NELL1: variants seen among roughly 807,000 people sequenced by gnomAD.
NELL1 encodes neural EGFL like 1, also known as protein kinase C-binding protein NELL1.
A neutral mutation model predicts 107.4 loss-of-function variants in NELL1; 76 were observed. That is an observed-to-expected ratio of 0.71 (90% confidence interval 0.59 to 0.86). The LOEUF is 0.86. NELL1 is among the 40% of genes least tolerant of loss of function. The probability of loss-of-function intolerance (pLI) is 0.00; values close to 1 mark genes in which losing one functional copy is unlikely to be tolerated. For missense variants in NELL1, 1,024 were observed against 1,005.5 expected, an observed-to-expected ratio of 1.02 and a Z score of -0.25; for synonymous variants, 353 against 341.2, an observed-to-expected ratio of 1.03 and a Z score of -0.38.
intron 12 of NELL1, among the ~76,000 whole-genome samples, chr11:21,089,832 CAAA>C (rs1256844867): frequency 6.6e-6 from 1 of 152,128 alleles, no homozygotes; most frequent in Non-Finnish European, 1.5e-5. Context: ...GGGGATATTT[CAAA>C]AGAGGAAGGA....
At chr11:20,841,319 GT>G (rs397772940) in intron 3 of NELL1, among the ~76,000 whole-genome samples, 334 of 123,478 alleles carry the variant, frequency 2.7e-3, no homozygotes, top group African/African-American at 4.9e-3. Context: ...CTCTGCTCAT[GT>G]TTTTTTTTTT....
chr11:20,683,054 C>T (rs1032001074), intron 2 of NELL1, among the ~76,000 whole-genome samples: 1 of 151,960 alleles, frequency 6.6e-6, no homozygotes, highest in African/African-American at 2.4e-5. Flanking sequence ...TTAAATCTAT[C>T]TTCTCGTGAT....
chr11:21,540,619 C>G (rs1856268578), intron 16 of NELL1, among the ~76,000 whole-genome samples: 1 of 151,964 alleles, frequency 6.6e-6, no homozygotes, highest in African/African-American at 2.4e-5. Flanking sequence ...AAAGGGGAAC[C>G]AGACATGTCC....
At chr11:21,309,292 A>ATATATGTATATATATAT (rs1849691585) in intron 14 of NELL1, among the ~76,000 whole-genome samples, 1 of 82,080 alleles carries the variant, frequency 1.2e-5, no homozygotes, top group Non-Finnish European at 3.1e-5. Flanking sequence ...ATATATATAT[A>ATATATGTATATATATAT]TATATATGTA....
chr11:20,908,712 T>C (rs183186395), intron 5 of NELL1, among the ~76,000 whole-genome samples: 4 of 152,248 alleles, frequency 2.6e-5, no homozygotes, highest in Middle Eastern at 6.8e-3. Flanking sequence ...AAAAATAAAA[T>C]TTTGATTAAA....
In NELL1 at chr11:20,693,369, T is replaced by G. The variant is rs560324296; in HGVS notation, c.184+15309T>G. Among the ~76,000 whole-genome samples the G allele has an allele frequency of 2.4e-3, 367 of 152,292 alleles. 2 individuals carry two copies. Among genetic ancestry groups the G allele is most frequent in the African/African-American group, 8.3e-3 (346 of 41,564 alleles). On this transcript the variant is annotated intron_variant, in intron 2 of 19. Coordinates refer to ENST00000357134, the MANE Select transcript of NELL1 (RefSeq NM_006157.5). Reference sequence around the variant, plus strand: ...TATTTTGCTTGTTAGTTGATGCAGTTTCTTCCTAGTCTCGATGGTCTTTAC... The same window carrying G: ...TATTTTGCTTGTTAGTTGATGCAGTGTCTTCCTAGTCTCGATGGTCTTTAC...
chr11:21,222,502 T>C (rs1472133748), intron 13 of NELL1, among the ~76,000 whole-genome samples: 1 of 152,066 alleles, frequency 6.6e-6, no homozygotes, highest in Non-Finnish European at 1.5e-5. Context: ...GGCTGATCTT[T>C]TGTATTGTTT....
intron 9 of NELL1, among the ~76,000 whole-genome samples, chr11:20,935,113 G>A (rs1850696100): frequency 6.6e-6 from 1 of 152,134 alleles, no homozygotes; most frequent in Non-Finnish European, 1.5e-5. Flanking sequence ...ATGGGGCTTT[G>A]GGCTGGAGAT....
At chr11:21,347,173 T>C (rs1397928477) in intron 14 of NELL1, among the ~76,000 whole-genome samples, 3 of 151,890 alleles carry the variant, frequency 2.0e-5, no homozygotes, top group East Asian at 3.9e-4. Flanking sequence ...TTCCGAGGAG[T>C]TGACATTTGA....
chr11:20,949,036 A>G (rs1366327099), intron 11 of NELL1, among the ~76,000 whole-genome samples: 1 of 152,152 alleles, frequency 6.6e-6, no homozygotes, highest in East Asian at 1.9e-4. Flanking sequence ...GACTTTGCCG[A>G]CAAGAGGTTT....
chr11:21,038,713 A>G (rs1219789946), intron 12 of NELL1, among the ~76,000 whole-genome samples: 1 of 152,098 alleles, frequency 6.6e-6, no homozygotes, highest in Non-Finnish European at 1.5e-5. Context: ...ATAATTTTGG[A>G]GAGAGTGGGG....
At chr11:20,697,747 G>T (rs1854662997) in intron 2 of NELL1, among the ~76,000 whole-genome samples, 1 of 152,124 alleles carries the variant, frequency 6.6e-6, no homozygotes, top group Non-Finnish European at 1.5e-5. Flanking sequence ...GTTCAAGAAA[G>T]AAATTTCTTA....
chr11:21,551,539 C>G (rs1856583975), intron 16 of NELL1, among the ~76,000 whole-genome samples: 1 of 151,538 alleles, frequency 6.6e-6, no homozygotes, highest in African/African-American at 2.4e-5. Context: ...TGAAAAAATG[C>G]TCACCATCAC....
chr11:20,889,075 C>T (rs1441448162), intron 5 of NELL1, among the ~76,000 whole-genome samples: 1 of 152,180 alleles, frequency 6.6e-6, no homozygotes, highest in Admixed American at 6.5e-5. Context: ...TCTTGAAGGG[C>T]TGCTCCATGA....
At chr11:21,243,652 T>C (rs1858419859) in intron 14 of NELL1, among the ~76,000 whole-genome samples, 1 of 152,138 alleles carries the variant, frequency 6.6e-6, no homozygotes, top group Admixed American at 6.6e-5. Flanking sequence ...AGAACAGTAC[T>C]GTTCAACTGA....
At chr11:21,071,386 A>G (rs982590011) in intron 12 of NELL1, among the ~76,000 whole-genome samples, 1 of 152,224 alleles carries the variant, frequency 6.6e-6, no homozygotes, top group African/African-American at 2.4e-5. Flanking sequence ...TGTCTGGCAC[A>G]TATTGGCCTC....
At chr11:21,248,341 CAAA>C (rs373293988) in intron 14 of NELL1, among the ~76,000 whole-genome samples, 8 of 126,874 alleles carry the variant, frequency 6.3e-5, no homozygotes, top group South Asian at 2.6e-4. Context: ...GAGAGCCTGT[CAAA>C]AAAAAAAAAG....
chr11:21,572,332 A>C lies in NELL1; in HGVS notation c.2158-853A>C, dbSNP rs111364756. The stretch of plus-strand genomic sequence containing the variant: ...AAACACATAACTTATGAATTACTTG[A>C]GAATACTGTGGGTCATACTTAATAA... On this transcript the variant is annotated intron_variant, in intron 18 of 19. Transcript: ENST00000357134. Among the ~76,000 whole-genome samples the C allele has an allele frequency of 1.1e-4, 16 of 152,010 alleles. 2 individuals are homozygous for C. The highest frequency in any genetic ancestry group is 3.9e-4 in the African/African-American group (16 of 41,538).
At chr11:21,383,939 T>G (rs891522599) in intron 15 of NELL1, 1 of 151,938 alleles carries the variant, frequency 6.6e-6, no homozygotes, top group African/African-American at 2.4e-5. Context: ...TCTTCTTTCA[T>G]TATATTTGAT....
Sources: allele counts gnomAD v4.1 joint callset (sites outside exome capture counted in the v4.1 genomes callset), GRCh38; gene constraint gnomAD v4.1.1; transcripts MANE v1.5; gene names NCBI Gene and HGNC (gene_info 2026-07-23, HGNC 2026-07-21).